NDST4: variants seen among roughly 807,000 people sequenced by gnomAD.
NDST4 encodes the protein N-heparan sulfate sulfotransferase 4.
NDST4 carries 63 observed loss-of-function variants against 100.8 expected under a neutral mutation model. The ratio of observed to expected loss-of-function variants is 0.62; its 90% confidence interval spans 0.51 to 0.77. The LOEUF (loss-of-function observed/expected upper bound fraction) is 0.77. Ranked by LOEUF, NDST4 falls within the 30% of genes least tolerant of loss-of-function variation. NDST4 has a pLI of 0.00. For synonymous variants in NDST4, 377 were observed against 361.8 expected, an observed-to-expected ratio of 1.04 and a Z score of -0.48; for missense variants, 943 against 1,018.4, an observed-to-expected ratio of 0.93 and a Z score of 1.01.
At chr4:114,878,166 T>C (rs1339135559) in intron 6 of NDST4, among the ~76,000 whole-genome samples, 1 of 152,130 alleles carries the variant, frequency 6.6e-6, no homozygotes, top group Non-Finnish European at 1.5e-5. Flanking sequence ...TGTCTTTAAA[T>C]CTCCACTTAC....
At chr4:115,092,081 A>C (rs1383818647) in intron 1 of NDST4, among the ~76,000 whole-genome samples, 1 of 152,202 alleles carries the variant, frequency 6.6e-6, no homozygotes, top group East Asian at 1.9e-4. Flanking sequence ...ACACACACAC[A>C]AATATCAGAA....
intron 4 of NDST4, chr4:114,955,921 T>G (rs560373445): frequency 2.6e-5 from 4 of 152,188 alleles, no homozygotes; most frequent in Non-Finnish European, 5.9e-5. Context: ...TCTAGGCTTA[T>G]GATTTCTCCT....
chr4:115,107,274 A>C (rs1040317775), intron 1 of NDST4, among the ~76,000 whole-genome samples: 2 of 152,170 alleles, frequency 1.3e-5, no homozygotes, highest in African/African-American at 4.8e-5. Context: ...AATACTTAGA[A>C]ATATAAAGAA....
intron 1 of NDST4, among the ~76,000 whole-genome samples, chr4:115,096,385 A>G (rs1455163119): frequency 6.6e-6 from 1 of 152,060 alleles, no homozygotes; most frequent in African/African-American, 2.4e-5. Context: ...CTTTTCTCCT[A>G]GATGACTGTT....
intron 2 of NDST4, among the ~76,000 whole-genome samples, chr4:115,021,968 C>T (rs1332247832): frequency 2.0e-5 from 3 of 152,034 alleles, no homozygotes; most frequent in Non-Finnish European, 2.9e-5. Flanking sequence ...TATGCACATT[C>T]CATATATATG....
chr4:114,980,185 T>G (rs1478848756), intron 2 of NDST4, among the ~76,000 whole-genome samples: 1 of 152,216 alleles, frequency 6.6e-6, no homozygotes, highest in Non-Finnish European at 1.5e-5. Context: ...TAACTTATTC[T>G]TTTAAAACCC....
rs1397451240 is a variant in NDST4, at chr4:115,068,803, G to A, written c.978+7256C>T. 3.6e-5 allele frequency among the ~76,000 whole-genome samples: 5 copies of A among 139,320 alleles called. 1 individual carries two copies. The highest frequency in any genetic ancestry group is 4.0e-3 in the Middle Eastern group (1 of 252). The allele number at this position is 139,320 out of a possible 152,430, so 91.4% of individuals were successfully genotyped here. A position where few individuals can be genotyped will look rare whatever the true frequency, so the allele number is the denominator to read the frequency against. ...TGCACTCCAGCTTGGGCATCAGAGC[G>A]AGGCTCCATCTCAAAAAAAAAAAAA... On this transcript the variant is annotated intron_variant, in intron 2 of 13. Transcript: ENST00000264363.
intron 1 of NDST4, among the ~76,000 whole-genome samples, chr4:115,079,636 A>G (rs1275378618): frequency 6.6e-6 from 1 of 152,190 alleles, no homozygotes; most frequent in African/African-American, 2.4e-5. Flanking sequence ...TACATCAGAC[A>G]TATTACATCA....
At chr4:114,950,644 C>T (rs2126231838) in intron 4 of NDST4, among the ~76,000 whole-genome samples, 1 of 152,146 alleles carries the variant, frequency 6.6e-6, no homozygotes, top group South Asian at 2.1e-4. Context: ...TGTTGCTAAA[C>T]CTATGTGGAT....
chr4:115,093,297 A>G (rs11721621), intron 1 of NDST4, among the ~76,000 whole-genome samples: 58,807 of 151,808 alleles, frequency 0.39, 12,921 homozygotes, highest in Non-Finnish European at 0.52. Flanking sequence ...AACACGGTGA[A>G]ACCCCATCTC....
intron 1 of NDST4, among the ~76,000 whole-genome samples, chr4:115,101,499 C>T (rs1729729710): frequency 6.6e-6 from 1 of 151,938 alleles, no homozygotes. Context: ...GGAAATAACA[C>T]TAAATAAATG....
At chr4:114,882,012 T>C (rs921957150) in intron 6 of NDST4, among the ~76,000 whole-genome samples, 3 of 151,894 alleles carry the variant, frequency 2.0e-5, no homozygotes, top group African/African-American at 4.8e-5. Flanking sequence ...GTCAAGGGAG[T>C]ATTCTGATAA....
intron 11 of NDST4, among the ~76,000 whole-genome samples, chr4:114,838,190 G>T (rs1426665354): frequency 2.0e-5 from 3 of 152,168 alleles, no homozygotes; most frequent in African/African-American, 7.2e-5. Context: ...AGAGAATGTG[G>T]AGAAATAGGA....
At chr4:115,022,148 C>T (rs112818432) in intron 2 of NDST4, among the ~76,000 whole-genome samples, 4 of 146,914 alleles carry the variant, frequency 2.7e-5, no homozygotes, top group Admixed American at 6.7e-5. Flanking sequence ...CGTCTATGCA[C>T]GTTCCATATA....
intron 3 of NDST4, among the ~76,000 whole-genome samples, chr4:114,974,383 A>G (rs1350165674): frequency 6.6e-6 from 1 of 152,146 alleles, no homozygotes; most frequent in Non-Finnish European, 1.5e-5. Context: ...TTCATAAAAT[A>G]ATCTCTCATG....
intron 4 of NDST4, among the ~76,000 whole-genome samples, chr4:114,951,395 A>G (rs576113688): frequency 6.6e-6 from 1 of 152,214 alleles, no homozygotes; most frequent in East Asian, 1.9e-4. Context: ...TCCAACTTGA[A>G]TATTACATAA....
At chr4:114,857,585 A>G (rs77986269) in intron 7 of NDST4, among the ~76,000 whole-genome samples, 2,245 of 152,342 alleles carry the variant, frequency 0.015, 25 homozygotes, top group Non-Finnish European at 0.024. Flanking sequence ...GCTAACCCAT[A>G]TGTTAGTAGA....
rs555351870 is a variant in NDST4 at position 114,966,018 on chromosome 4, GT to G, written c.1221+4411del. On this transcript the variant is annotated intron_variant, in intron 4 of 13. Transcript: ENST00000264363. ...ACTGAATAGCAGCAAAGATCTATGA[GT>G]TATTGAAGGAAAAAGAACCAAAAAG... 3.7e-3 allele frequency among the ~76,000 whole-genome samples: 556 copies of G among 152,048 alleles called. 8 individuals are homozygous for G. The highest frequency in any genetic ancestry group is 5.1e-3 in the Non-Finnish European group (348 of 67,892).
intron 7 of NDST4, among the ~76,000 whole-genome samples, chr4:114,854,821 G>T (rs184999200): frequency 6.6e-6 from 1 of 152,036 alleles, no homozygotes; most frequent in African/African-American, 2.4e-5. Flanking sequence ...GAATCACATG[G>T]TAGTTCTATT....
Sources: gnomAD v4.1 joint callset for allele counts (sites outside exome capture counted in the v4.1 genomes callset) on GRCh38, gnomAD v4.1.1 for gene constraint, MANE v1.5 for transcripts, NCBI Gene and HGNC (gene_info 2026-07-23, HGNC 2026-07-21) for gene names.